Variants in RUNX2 observed in about 807,000 individuals in gnomAD.
The protein encoded by RUNX2 is RUNX family transcription factor 2, also known as runt-related transcription factor 2.
In RUNX2, 10 loss-of-function variants were observed where a neutral mutation model predicts 51.7. The ratio of observed to expected loss-of-function variants is 0.19; its 90% confidence interval spans 0.12 to 0.33. The LOEUF is 0.33. Among genes scored for constraint, RUNX2 ranks in the 10% least tolerant of loss-of-function variants. RUNX2 has a pLI of 1.00. For missense variants in RUNX2, 562 were observed against 691.3 expected (o/e 0.81, Z 2.10); for synonymous variants, 276 against 273.6 (o/e 1.01, Z -0.09).
intron 2 of RUNX2, among the ~76,000 whole-genome samples, chr6:45,362,029 G>A (rs1794348378): frequency 6.6e-6 from 1 of 151,972 alleles, no homozygotes; most frequent in Non-Finnish European, 1.5e-5. Context: ...CCAGCGCCTG[G>A]GCAACAAAGC....
chr6:45,537,324 C>T (rs1802069949), intron 7 of RUNX2, among the ~76,000 whole-genome samples: 1 of 152,154 alleles, frequency 6.6e-6, no homozygotes, highest in East Asian at 1.9e-4. Context: ...GGCCAGGCTG[C>T]TAGATTCACA....
At chr6:45,493,835 T>C (rs1205036289) in intron 6 of RUNX2, among the ~76,000 whole-genome samples, 1 of 152,042 alleles carries the variant, frequency 6.6e-6, no homozygotes, top group Non-Finnish European at 1.5e-5. Context: ...TGATGACTAA[T>C]AAAATATATA....
chr6:45,405,609 T>A (rs191957277), intron 2 of RUNX2, among the ~76,000 whole-genome samples: 3 of 152,152 alleles, frequency 2.0e-5, no homozygotes, highest in Admixed American at 2.0e-4. Flanking sequence ...GCCAATATGG[T>A]GAAACCCCGT....
At position 45,549,812 on chromosome 6, in the gene RUNX2, T is replaced by C. The variant is rs1802509153; in HGVS notation, c.*2507T>C. The C allele has an allele frequency of 6.5e-6, 1 of 153,702 alleles. No individual in the cohort carries two copies. The highest frequency in any genetic ancestry group is 1.5e-5 in the Non-Finnish European group (1 of 68,806). 9.5% of individuals were successfully genotyped at this position (153,702 alleles called of 1,614,324 possible). The stretch of plus-strand genomic sequence containing the variant: ...AGTGACTTTAGGGATGCTTTTGTGT[T>C]GAAATGTTACTATAGTGGCTGCAGG... On this transcript the variant is annotated 3_prime_UTR_variant, in exon 9 of 9. Transcript: ENST00000647337.
intron 7 of RUNX2, among the ~76,000 whole-genome samples, chr6:45,544,699 C>T (rs535118833): frequency 4.6e-5 from 7 of 152,158 alleles, no homozygotes; most frequent in Non-Finnish European, 8.8e-5. Flanking sequence ...CCCTGCCCAT[C>T]GCTGTTAGTT....
chr6:45,461,905 C>T (rs1799488683), intron 5 of RUNX2, among the ~76,000 whole-genome samples: 1 of 151,952 alleles, frequency 6.6e-6, no homozygotes, highest in South Asian at 2.1e-4. Context: ...TGTGATTTGA[C>T]AATATAAATT....
chr6:45,337,092 T>C (rs994523774), intron 2 of RUNX2, among the ~76,000 whole-genome samples: 4 of 151,604 alleles, frequency 2.6e-5, no homozygotes, highest in Non-Finnish European at 5.9e-5. Flanking sequence ...ACCCCGAACA[T>C]AGGAGATATA....
chr6:45,541,483 C>G (rs1802227489), intron 7 of RUNX2, among the ~76,000 whole-genome samples: 1 of 152,114 alleles, frequency 6.6e-6, no homozygotes, highest in South Asian at 2.1e-4. Context: ...TTACATGTTC[C>G]AATAGAAAGA....
chr6:45,354,549 T>C (rs1792743895), intron 2 of RUNX2, among the ~76,000 whole-genome samples: 2 of 151,814 alleles, frequency 1.3e-5, no homozygotes, highest in Admixed American at 6.6e-5. Flanking sequence ...TTGTCTCAGT[T>C]TCCTTGGATA....
chr6:45,392,629 A>G (rs886780887), intron 2 of RUNX2, among the ~76,000 whole-genome samples: 7 of 152,334 alleles, frequency 4.6e-5, no homozygotes, highest in Non-Finnish European at 5.9e-5. Context: ...GGGGAGGGTC[A>G]GAAGAAAAAG....
intron 2 of RUNX2, among the ~76,000 whole-genome samples, chr6:45,331,699 A>G (rs764408258): frequency 6.6e-6 from 1 of 151,986 alleles, no homozygotes; most frequent in South Asian, 2.1e-4. Context: ...CTGAAAAGAA[A>G]TTGTGGAAAA....
chr6:45,473,198 G>A (rs1362377754), intron 5 of RUNX2, among the ~76,000 whole-genome samples: 3 of 152,166 alleles, frequency 2.0e-5, no homozygotes, highest in Admixed American at 6.5e-5. Flanking sequence ...TTTAAGGTTA[G>A]CAGTTGAATG....
chr6:45,392,725 T>G (rs1167821808), intron 2 of RUNX2, among the ~76,000 whole-genome samples: 2 of 151,938 alleles, frequency 1.3e-5, no homozygotes, highest in African/African-American at 2.4e-5. Context: ...TTTTTTTATA[T>G]TTATGCTGTT....
At chr6:45,356,319 A>C (rs1793165573) in intron 2 of RUNX2, among the ~76,000 whole-genome samples, 1 of 152,106 alleles carries the variant, frequency 6.6e-6, no homozygotes, top group Non-Finnish European at 1.5e-5. Flanking sequence ...GTATATTAAA[A>C]ACACACACAC....
chr6:45,503,070 T>A (rs1354599961), intron 6 of RUNX2, among the ~76,000 whole-genome samples: 1 of 152,218 alleles, frequency 6.6e-6, no homozygotes, highest in Admixed American at 6.5e-5. Flanking sequence ...ATGCTTGTCA[T>A]TCAGGTCTTG....
chr6:45,490,111 G>A (rs1036010117), intron 5 of RUNX2, among the ~76,000 whole-genome samples: 1 of 152,122 alleles, frequency 6.6e-6, no homozygotes, highest in Middle Eastern at 3.2e-3. Flanking sequence ...CGGCAGCCGA[G>A]GACCATAAGC....
At chr6:45,344,436 G>GT (rs146401592) in intron 2 of RUNX2, among the ~76,000 whole-genome samples, 3,680 of 147,554 alleles carry the variant, frequency 0.025, 153 homozygotes, top group African/African-American at 0.083. Flanking sequence ...TTCTCTGATG[G>GT]TTTTTTTTTT....
At chr6:45,384,300 T>G (rs1797303248) in intron 2 of RUNX2, among the ~76,000 whole-genome samples, 1 of 152,064 alleles carries the variant, frequency 6.6e-6, no homozygotes, top group Non-Finnish European at 1.5e-5. Flanking sequence ...GTTTCTTTGT[T>G]TTTTAGACAG....
At chr6:45,375,758 T>C (rs1180776001) in intron 2 of RUNX2, among the ~76,000 whole-genome samples, 1 of 152,120 alleles carries the variant, frequency 6.6e-6, no homozygotes, top group Non-Finnish European at 1.5e-5. Context: ...GTGCTACCGC[T>C]ACCTATAAAG....
Sources: allele counts gnomAD v4.1 joint callset (sites outside exome capture counted in the v4.1 genomes callset), GRCh38; gene constraint gnomAD v4.1.1; transcripts MANE v1.5; gene names NCBI Gene and HGNC (gene_info 2026-07-23, HGNC 2026-07-21).